Variants in CDKL2 observed in about 807,000 individuals in gnomAD.
CDKL2 encodes cyclin dependent kinase like 2, also known as cyclin-dependent kinase-like 2.
In CDKL2, 64 loss-of-function variants were observed where a neutral mutation model predicts 63.9. The observed-to-expected ratio is 1.00, with a 90% CI of 0.82 to 1.23. The LOEUF (loss-of-function observed/expected upper bound fraction) is 1.23. Among genes scored for constraint, CDKL2 ranks in the 50% most tolerant of loss-of-function variants. The pLI is 0.00. For synonymous variants in CDKL2, 211 were observed against 229.2 expected (o/e 0.92, Z 0.72); for missense variants, 656 against 668.0 (o/e 0.98, Z 0.20).
chr4:75,596,630 C>A (rs1204497897), intron 9 of CDKL2, among the ~76,000 whole-genome samples: 2 of 152,228 alleles, frequency 1.3e-5, no homozygotes, highest in Non-Finnish European at 2.9e-5. Flanking sequence ...CATGCAGCAG[C>A]AGCCACTCAA....
Position 75,607,347 on chromosome 4 carries a change from A to G in CDKL2, c.378T>C (p.Asp126=). ...AGACTAATATATTCTCTGGCTTTAT[A>G]TCTCTGTGTATGATCTAGACAAGAA... ...FCHSHNIIHR[D]IKPENILVSQ... Residue 126 remains aspartate (D), a synonymous_variant, in exon 4 of 14, where the codon GAT becomes GAC. Coordinates refer to ENST00000307465, the MANE Select transcript of CDKL2 (RefSeq NM_001330724.2). 6.2e-7 allele frequency: 1 copy of G among 1,613,124 alleles called. No homozygotes were observed. The highest frequency in any genetic ancestry group is 8.5e-7 in the Non-Finnish European group (1 of 1,179,388).
In CDKL2 at chr4:75,607,353, G is replaced by A. The variant is rs778724792; in HGVS notation, c.372C>T (p.His124=). Residue 124 remains histidine, a synonymous_variant, in exon 4 of 14, where the codon CAC becomes CAT. Transcript: ENST00000307465. ...IGFCHSHNII[H]RDIKPENILV... is the part of the protein sequence containing the mutation. ...ATATATTCTCTGGCTTTATATCTCT[G>A]TGTATGATCTAGACAAGAAGCAGAG... 15 of 1,612,194 alleles carry A rather than the reference G, an allele frequency of 9.3e-6. No homozygotes were observed. The highest frequency in any genetic ancestry group is 1.0e-5 in the Non-Finnish European group (12 of 1,178,892).
At chr4:75,586,320 G>T (rs1388557259) in intron 12 of CDKL2, among the ~76,000 whole-genome samples, 1 of 151,698 alleles carries the variant, frequency 6.6e-6, no homozygotes, top group Non-Finnish European at 1.5e-5. Context: ...CTGCCTCCCA[G>T]GTTCACATCA....
intron 7 of CDKL2, among the ~76,000 whole-genome samples, chr4:75,599,548 C>CAAAAAAAAAA (rs71657365): frequency 1.7e-3 from 121 of 69,558 alleles, no homozygotes; most frequent in African/African-American, 2.1e-3. Flanking sequence ...GCAACAAGAG[C>CAAAAAAAAAA]AAAAAAAAAA....
chr4:75,612,684 C>T (rs1408247372), intron 3 of CDKL2, among the ~76,000 whole-genome samples: 3 of 152,138 alleles, frequency 2.0e-5, no homozygotes, highest in African/African-American at 7.2e-5. Flanking sequence ...CCTGCAAATC[C>T]AACATTATTG....
At position 75,597,010 on chromosome 4, in the gene CDKL2, G is replaced by GT; in HGVS notation, c.1246dup (p.Thr416AsnfsTer12). On this transcript the variant is annotated frameshift_variant, in exon 9 of 14. Transcript: ENST00000307465. LOFTEE classifies it high-confidence loss of function. ...GGGAGCAACTGCAGAAAGATTGTGTGTAAGTGGGGGAATTGCCACGCTTGG... is the reference window on the plus strand; with the variant it reads ...GGGAGCAACTGCAGAAAGATTGTGTGTTAAGTGGGGGAATTGCCACGCTTGG... 1 of 1,614,196 alleles carries GT rather than the reference G, an allele frequency of 6.2e-7. No homozygotes were observed. The highest frequency in any genetic ancestry group is 8.5e-7 in the Non-Finnish European group (1 of 1,180,010).
intron 2 of CDKL2, among the ~76,000 whole-genome samples, chr4:75,617,820 C>A (rs1729992952): frequency 6.6e-6 from 1 of 152,074 alleles, no homozygotes. Context: ...AACAGACTAT[C>A]GGCCGGGCAT....
At position 75,578,106 on chromosome 4, in the gene CDKL2, A is replaced by G. The variant is rs1354648208; in HGVS notation, c.*1096T>C. 1 of 152,142 alleles carries G rather than the reference A, an allele frequency of 6.6e-6. No individual in the cohort carries two copies. Among genetic ancestry groups the G allele is most frequent in the Non-Finnish European group, 1.5e-5 (1 of 68,024 alleles). 9.4% of individuals were successfully genotyped at this position (152,142 alleles called of 1,614,324 possible). ...GAAATCAAGAACCTGTAGCCAACTT[A>G]GTTTATTCCTCCCACCTAAAAAGTT... On this transcript the variant is annotated 3_prime_UTR_variant, in exon 14 of 14. Coordinates refer to ENST00000307465, the MANE Select transcript of CDKL2 (RefSeq NM_001330724.2).
chr4:75,577,994 G>GGA lies in CDKL2; in HGVS notation c.*1207_*1208insTC, dbSNP rs1728094747. ...AGCAACACACTATTAATTAGTTAAG[G>GGA]CAAAAAAAAAAAAAAAACTCACAAA... is the stretch of plus-strand genomic sequence containing the variant. On this transcript the variant is annotated 3_prime_UTR_variant, in exon 14 of 14. Coordinates refer to ENST00000307465, the MANE Select transcript of CDKL2 (RefSeq NM_001330724.2). The GGA allele has an allele frequency of 2.1e-5, 1 of 46,794 alleles. No homozygotes were observed. The highest frequency in any genetic ancestry group is 1.4e-3 in the East Asian group (1 of 696). 2.9% of individuals were successfully genotyped at this position (46,794 alleles called of 1,614,324 possible).
intron 12 of CDKL2, among the ~76,000 whole-genome samples, chr4:75,583,844 G>A (rs921952692): frequency 2.0e-5 from 3 of 151,868 alleles, no homozygotes; most frequent in Non-Finnish European, 4.4e-5. Flanking sequence ...AGATATTGCC[G>A]AAAAAATACT....
intron 12 of CDKL2, among the ~76,000 whole-genome samples, chr4:75,585,380 A>C (rs1728431068): frequency 1.3e-5 from 2 of 152,094 alleles, no homozygotes; most frequent in Admixed American, 1.3e-4. Context: ...GAGTTTGAGC[A>C]ACACAGCAAG....
intron 10 of CDKL2, among the ~76,000 whole-genome samples, chr4:75,595,107 C>A (rs1268134836): frequency 1.3e-5 from 2 of 151,974 alleles, no homozygotes; most frequent in African/African-American, 4.8e-5. Flanking sequence ...ATCATGAAGT[C>A]CTTGAAAAGA....
intron 2 of CDKL2, among the ~76,000 whole-genome samples, chr4:75,625,146 G>A (rs1330663719): frequency 6.6e-6 from 1 of 152,122 alleles, no homozygotes; most frequent in African/African-American, 2.4e-5. Flanking sequence ...GAACATATAT[G>A]AAATACGTTT....
chr4:75,593,803 A>T (rs1728804699), intron 10 of CDKL2, among the ~76,000 whole-genome samples: 1 of 152,178 alleles, frequency 6.6e-6, no homozygotes, highest in Non-Finnish European at 1.5e-5. Flanking sequence ...CATGAGAGAG[A>T]TGAAAAGGCT....
chr4:75,587,897 C>T (rs13124749), intron 12 of CDKL2, among the ~76,000 whole-genome samples: 35,349 of 130,102 alleles, frequency 0.27, 4,696 homozygotes, highest in Middle Eastern at 0.41. Context: ...GATCAAGATT[C>T]TGTCTCAAAA....
intron 8 of CDKL2, among the ~76,000 whole-genome samples, chr4:75,597,592 G>A (rs979129709): frequency 6.6e-6 from 1 of 152,158 alleles, no homozygotes; most frequent in Non-Finnish European, 1.5e-5. Flanking sequence ...TTCTTTTGGT[G>A]TACTTGATAT....
At chr4:75,600,404 G>GA (rs1400767929) in intron 6 of CDKL2, 35 bp from the exon 7 acceptor site, 2 of 1,257,212 alleles carry the variant, frequency 1.6e-6, no homozygotes, top group Non-Finnish European at 2.3e-6. Flanking sequence ...TTCATATCAA[G>GA]AAAAACTACC....
In CDKL2 at chr4:75,581,265, T is replaced by C. The variant is rs528110703; in HGVS notation, c.*23+545A>G. On this transcript the variant is annotated intron_variant, in intron 13 of 13. Transcript: ENST00000307465. ...TATGTTTTGATATATGAATATTTACTATTGTGTTACAATTGCTTACAGTAT... is the reference window on the plus strand; with the variant it reads ...TATGTTTTGATATATGAATATTTACCATTGTGTTACAATTGCTTACAGTAT... Among the ~76,000 whole-genome samples the C allele has an allele frequency of 3.3e-5, 5 of 152,352 alleles. No individual in the cohort carries two copies. The South Asian group carries it at 8.3e-4, about 25-fold the overall frequency.
intron 3 of CDKL2, among the ~76,000 whole-genome samples, chr4:75,612,853 G>A (rs1484791344): frequency 2.0e-5 from 3 of 152,182 alleles, no homozygotes; most frequent in Admixed American, 6.5e-5. Context: ...GGCCGGGAGC[G>A]GTGGCTCACG....
Sources: gnomAD v4.1 joint callset for allele counts (sites outside exome capture counted in the v4.1 genomes callset) on GRCh38, gnomAD v4.1.1 for gene constraint, MANE v1.5 for transcripts, NCBI Gene and HGNC (gene_info 2026-07-23, HGNC 2026-07-21) for gene names.